DIAPH3: variants seen among roughly 807,000 people sequenced by gnomAD.
The protein encoded by DIAPH3 is diaphanous related formin 3, also known as protein diaphanous homolog 3.
A neutral mutation model predicts 144.3 loss-of-function variants in DIAPH3; 117 were observed. The observed-to-expected ratio is 0.81, with a 90% CI of 0.70 to 0.95. The LOEUF (loss-of-function observed/expected upper bound fraction) is 0.95, where lower values mean the gene tolerates loss of function less well. Among genes scored for constraint, DIAPH3 ranks in the 40% least tolerant of loss-of-function variants. DIAPH3 has a pLI of 0.00. For synonymous variants in DIAPH3, 519 were observed against 488.9 expected (o/e 1.06, Z -0.81); for missense variants, 1,421 against 1,412.7 (o/e 1.01, Z -0.09).
At chr13:60,058,639 TA>T (rs2056647168) in intron 4 of DIAPH3, among the ~76,000 whole-genome samples, 1 of 151,912 alleles carries the variant, frequency 6.6e-6, no homozygotes, top group Non-Finnish European at 1.5e-5. Context: ...GGTGAGTGGA[TA>T]AAGAAAATGT....
At chr13:59,980,922 A>AGT in intron 13 of DIAPH3, 63 bp from the exon 14 acceptor site, 1 of 1,346,804 alleles carries the variant, frequency 7.4e-7, no homozygotes, top group Non-Finnish European at 1.0e-6. Context: ...TGACTTCAAA[A>AGT]GTTTAGAAAG....
intron 25 of DIAPH3, among the ~76,000 whole-genome samples, chr13:59,786,595 A>G (rs1479217705): frequency 6.6e-6 from 1 of 152,220 alleles, no homozygotes; most frequent in Non-Finnish European, 1.5e-5. Context: ...TAAACATATT[A>G]AGGCACAAGA....
chr13:59,713,184 A>C (rs1230702952), intron 27 of DIAPH3, among the ~76,000 whole-genome samples: 4 of 152,008 alleles, frequency 2.6e-5, no homozygotes, highest in East Asian at 1.9e-4. Flanking sequence ...TGCCTGGCAC[A>C]TAAGAAGTGA....
At chr13:59,923,928 T>C (rs1476394904) in intron 18 of DIAPH3, among the ~76,000 whole-genome samples, 1 of 152,302 alleles carries the variant, frequency 6.6e-6, no homozygotes, top group East Asian at 1.9e-4. Flanking sequence ...CTCTCTTTAA[T>C]CAGTAGCATG....
intron 20 of DIAPH3, among the ~76,000 whole-genome samples, chr13:59,903,162 T>C (rs939424662): frequency 6.6e-6 from 1 of 152,206 alleles, no homozygotes; most frequent in African/African-American, 2.4e-5. Flanking sequence ...AAATGGGTTC[T>C]TGAAAAAAAT....
chr13:59,973,979 C>T (rs2050530033), intron 15 of DIAPH3, among the ~76,000 whole-genome samples: 1 of 151,858 alleles, frequency 6.6e-6, no homozygotes. Context: ...TGCAAGGGAC[C>T]CCTAGGCTGA....
intron 22 of DIAPH3, among the ~76,000 whole-genome samples, chr13:59,850,286 C>A (rs547850201): frequency 1.9e-3 from 280 of 149,978 alleles, no homozygotes; most frequent in African/African-American, 6.3e-3. Flanking sequence ...TTGACTTCCT[C>A]TTTTCCTAAT....
At position 59,970,764 on chromosome 13, in the gene DIAPH3, T is replaced by C; in HGVS notation, c.1959+88A>G. The C allele has an allele frequency of 2.5e-6, 3 of 1,205,686 alleles. No individual in the cohort carries two copies. In the Admixed American group the frequency reaches 7.9e-5, roughly 32 times the overall value. 74.7% of individuals were successfully genotyped at this position (1,205,686 alleles called of 1,614,324 possible). A position where few individuals can be genotyped will look rare whatever the true frequency, so the allele number is the denominator to read the frequency against. On this transcript the variant is annotated intron_variant, in intron 16 of 27. Coordinates refer to ENST00000400324, the MANE Select transcript of DIAPH3 (RefSeq NM_001042517.2). ...ATAAATTAAATTATGTAGGCATAAA[T>C]TAAATCTCATTAGAAATTATGTATA...
intron 17 of DIAPH3, among the ~76,000 whole-genome samples, chr13:59,938,715 T>C (rs1330051527): frequency 3.3e-5 from 5 of 152,098 alleles, no homozygotes; most frequent in Non-Finnish European, 7.4e-5. Flanking sequence ...CCTAGTAGTA[T>C]AAGGAGGTGA....
chr13:59,953,946 T>G (rs1179541834), intron 17 of DIAPH3, among the ~76,000 whole-genome samples: 1 of 152,210 alleles, frequency 6.6e-6, no homozygotes, highest in East Asian at 1.9e-4. Flanking sequence ...AATGAAAGGC[T>G]ATCGCTGTTT....
intron 4 of DIAPH3, among the ~76,000 whole-genome samples, chr13:60,083,056 C>A (rs1024867993): frequency 6.6e-6 from 1 of 151,990 alleles, no homozygotes; most frequent in African/African-American, 2.4e-5. Flanking sequence ...TCGTTCCCCA[C>A]CCTAAAGGAA....
intron 25 of DIAPH3, among the ~76,000 whole-genome samples, chr13:59,802,675 T>TTA (rs1299173422): frequency 1.6e-5 from 1 of 62,110 alleles, no homozygotes; most frequent in Admixed American, 1.9e-4. Context: ...TTATTTTTTT[T>TTA]TTTTTTTTTT....
chr13:59,909,743 G>A (rs2140227417), intron 20 of DIAPH3, among the ~76,000 whole-genome samples: 1 of 152,180 alleles, frequency 6.6e-6, no homozygotes, highest in East Asian at 1.9e-4. Flanking sequence ...GTATGACCCA[G>A]CATGGAATGT....
At chr13:59,973,436 A>C (rs927632484) in intron 15 of DIAPH3, among the ~76,000 whole-genome samples, 1 of 152,062 alleles carries the variant, frequency 6.6e-6, no homozygotes, top group African/African-American at 2.4e-5. Flanking sequence ...TAAAAAAAAA[A>C]ATTCAATAAA....
At chr13:59,978,148 G>T (rs1235461233) in intron 14 of DIAPH3, among the ~76,000 whole-genome samples, 4 of 151,690 alleles carry the variant, frequency 2.6e-5, no homozygotes, top group Non-Finnish European at 4.4e-5. Context: ...GCTCATAAAT[G>T]TGAGAAACTT....
In DIAPH3 at chr13:59,666,862, AAG is replaced by A; in HGVS notation, c.3320-18_3320-17del. On this transcript the variant is annotated splice_polypyrimidine_tract_variant and intron_variant, in intron 27 of 27. Transcript: ENST00000400324. ...TTCTGATTTTCTACAGTAAGGAAAA[AAG>A]AAACATAAAACTTATCACCATGATA... is the stretch of plus-strand genomic sequence containing the variant. 6.2e-7 allele frequency: 1 copy of A among 1,614,078 alleles called. No homozygotes were observed. The highest frequency in any genetic ancestry group is 1.1e-5 in the South Asian group (1 of 91,076).
intron 27 of DIAPH3, among the ~76,000 whole-genome samples, chr13:59,740,700 C>T (rs7332947): frequency 2.0e-5 from 3 of 151,898 alleles, no homozygotes; most frequent in African/African-American, 4.8e-5. Context: ...AGAAACGTAC[C>T]GCAAGCTGGA....
At chr13:59,790,872 C>G (rs945473244) in intron 25 of DIAPH3, among the ~76,000 whole-genome samples, 2 of 152,172 alleles carry the variant, frequency 1.3e-5, no homozygotes, top group African/African-American at 4.8e-5. Flanking sequence ...CTCCCTCCCC[C>G]CGCTCCACAA....
chr13:59,986,919 A>G (rs1167814694), intron 12 of DIAPH3, among the ~76,000 whole-genome samples: 3 of 149,682 alleles, frequency 2.0e-5, no homozygotes, highest in Non-Finnish European at 3.0e-5. Context: ...CAGTGTGGCG[A>G]TTCCTCAGGG....
Sources: gnomAD v4.1 joint callset for allele counts (sites outside exome capture counted in the v4.1 genomes callset) on GRCh38, gnomAD v4.1.1 for gene constraint, MANE v1.5 for transcripts, NCBI Gene and HGNC (gene_info 2026-07-23, HGNC 2026-07-21) for gene names.